ZFAND4: variants seen among roughly 807,000 people sequenced by gnomAD.
ZFAND4 encodes the protein zinc finger AN1-type containing 4.
ZFAND4 carries 43 observed loss-of-function variants against 64.4 expected under a neutral mutation model. The ratio of observed to expected loss-of-function variants is 0.67; its 90% confidence interval spans 0.52 to 0.86. The LOEUF is 0.86. Ranked by LOEUF, ZFAND4 falls within the 40% of genes least tolerant of loss-of-function variation. The probability of loss-of-function intolerance (pLI) is 0.00; values close to 1 mark genes in which losing one functional copy is unlikely to be tolerated. For missense variants in ZFAND4, 929 were observed against 859.8 expected (o/e 1.08, Z -1.01); for synonymous variants, 296 against 305.7 (o/e 0.97, Z 0.33).
chr10:45,645,414 A>G (rs2047312659), intron 5 of ZFAND4, among the ~76,000 whole-genome samples: 1 of 152,168 alleles, frequency 6.6e-6, no homozygotes, highest in African/African-American at 2.4e-5. Context: ...ATCCATCATC[A>G]GTTTGGTGGC....
At chr10:45,618,673 A>G (rs73292811) in intron 8 of ZFAND4, among the ~76,000 whole-genome samples, 14,716 of 152,244 alleles carry the variant, frequency 0.097, 1,302 homozygotes, top group African/African-American at 0.24. Context: ...AAGTACCAGA[A>G]TATCATGAAA....
chr10:45,664,932 A>C (rs1243002466), intron 1 of ZFAND4, among the ~76,000 whole-genome samples: 3 of 150,718 alleles, frequency 2.0e-5, no homozygotes, highest in African/African-American at 4.9e-5. Context: ...CTCTGGTCTC[A>C]AAAACAAAAA....
intron 1 of ZFAND4, 136 bp from the exon 2 acceptor site, chr10:45,663,978 T>A (rs2048640680): frequency 2.9e-6 from 1 of 348,168 alleles, no homozygotes; most frequent in Non-Finnish European, 5.2e-6. Flanking sequence ...TTATGTCTAA[T>A]CCTGAACTTT....
intron 9 of ZFAND4, among the ~76,000 whole-genome samples, chr10:45,617,589 C>A (rs1220465378): frequency 1.2e-5 from 1 of 84,498 alleles, no homozygotes; most frequent in Non-Finnish European, 2.1e-5. Context: ...GATTACAGTA[C>A]TGAAAAAAAA....
chr10:45,638,562 A>AAC (rs760753098), intron 6 of ZFAND4, among the ~76,000 whole-genome samples: 9,088 of 152,226 alleles, frequency 0.06, 392 homozygotes, highest in African/African-American at 0.12. Context: ...ACTAAAGTTA[A>AAC]ACGTGCATCT....
In ZFAND4 at chr10:45,660,141, G is replaced by A. The variant is rs549885017; in HGVS notation, c.184+3401C>T. ...CACACCACTGCACTTCAGCATGGGC[G>A]ACAGAGCGAGACGCATCTCAAAAAA... On this transcript the variant is annotated intron_variant, in intron 2 of 9. Coordinates refer to ENST00000344646, the MANE Select transcript of ZFAND4 (RefSeq NM_174890.4). 1.2e-3 allele frequency among the ~76,000 whole-genome samples: 166 copies of A among 138,902 alleles called. 1 individual carries two copies. Among genetic ancestry groups the A allele is most frequent in the African/African-American group, 4.1e-3 (151 of 37,194 alleles). The allele number at this position is 138,902 out of a possible 152,430, so 91.1% of individuals were successfully genotyped here.
Position 45,656,823 on chromosome 10 carries a change from A to G in ZFAND4, c.185-3764T>C, listed in dbSNP as rs1475584361. Among the ~76,000 whole-genome samples, 3 of 151,984 alleles carry G rather than the reference A, an allele frequency of 2.0e-5. No individual in the cohort carries two copies. The East Asian group carries it at 5.8e-4, about 29-fold the overall frequency. ...GATTAGTGTCCTTAGAAGAGAGATGATCTCCCTCTCTTTATCTACCGTGAG... is the reference window on the plus strand; with the variant it reads ...GATTAGTGTCCTTAGAAGAGAGATGGTCTCCCTCTCTTTATCTACCGTGAG... On this transcript the variant is annotated intron_variant, in intron 2 of 9. Coordinates refer to ENST00000344646, the MANE Select transcript of ZFAND4 (RefSeq NM_174890.4).
At chr10:45,671,518 C>A (rs1430398692) in intron 1 of ZFAND4, among the ~76,000 whole-genome samples, 1 of 152,122 alleles carries the variant, frequency 6.6e-6, no homozygotes, top group African/African-American at 2.4e-5. Flanking sequence ...AGGATGAGTT[C>A]ATGTCCTTTG....
At chr10:45,640,028 A>C (rs2046878562) in intron 5 of ZFAND4, 65 bp from the exon 6 acceptor site, 2 of 1,518,482 alleles carry the variant, frequency 1.3e-6, no homozygotes, top group South Asian at 2.6e-5. Context: ...AAAATGCTCT[A>C]TATGAAACAG....
chr10:45,644,341 A>G (rs145521900), intron 5 of ZFAND4, among the ~76,000 whole-genome samples: 34 of 152,372 alleles, frequency 2.2e-4, no homozygotes, highest in African/African-American at 8.2e-4. Flanking sequence ...GCTATGCTAA[A>G]GGAAAACAGC....
At chr10:45,635,702 G>C (rs1320481489) in intron 6 of ZFAND4, among the ~76,000 whole-genome samples, 1 of 152,106 alleles carries the variant, frequency 6.6e-6, no homozygotes, top group Non-Finnish European at 1.5e-5. Context: ...AAAAAGTGTG[G>C]TATATAGCCA....
At chr10:45,618,838 T>C (rs2045200065) in intron 8 of ZFAND4, among the ~76,000 whole-genome samples, 1 of 152,194 alleles carries the variant, frequency 6.6e-6, no homozygotes, top group African/African-American at 2.4e-5. Flanking sequence ...TCAATCCATA[T>C]ATGTAAAAAG....
chr10:45,657,224 C>T (rs1450115991), intron 2 of ZFAND4, among the ~76,000 whole-genome samples: 3 of 152,110 alleles, frequency 2.0e-5, no homozygotes, highest in African/African-American at 7.2e-5. Flanking sequence ...CAATGTTGCC[C>T]AGACTGGTCT....
At position 45,627,078 on chromosome 10, in the gene ZFAND4, G is replaced by T. The variant is rs1201602833; in HGVS notation, c.745C>A (p.His249Asn). 3 of 1,557,796 alleles carry T rather than the reference G, an allele frequency of 1.9e-6. No individual in the cohort carries two copies. The highest frequency in any genetic ancestry group is 1.2e-5 in the South Asian group (1 of 80,608). ...GAAGGTCGAGGAGCTACAGGTGGGT[G>T]AGGTTTTATCTTGACAGCTTTCTTA... Reference protein sequence around the residue: ...KPKKAVKIKPHPPVAPRPSSG... With the variant: ...KPKKAVKIKPNPPVAPRPSSG... The change falls in exon 7 of 10, where the codon CAC becomes AAC. Residue 249 changes from histidine to asparagine, a missense_variant. Transcript: ENST00000344646.
At chr10:45,625,850 A>C in intron 7 of ZFAND4, 101 bp downstream of exon 7, 1 of 1,096,488 alleles carries the variant, frequency 9.1e-7, no homozygotes, top group Non-Finnish European at 1.3e-6. Flanking sequence ...AAAATAATCT[A>C]ATCTTAGCCT....
intron 6 of ZFAND4, among the ~76,000 whole-genome samples, chr10:45,635,806 C>A (rs1214086415): frequency 6.6e-6 from 1 of 152,122 alleles, no homozygotes; most frequent in Non-Finnish European, 1.5e-5. Context: ...ATTGGTTGCA[C>A]AACACTGTGT....
chr10:45,619,275 AC>A (rs147441341), intron 8 of ZFAND4, among the ~76,000 whole-genome samples: 34,992 of 151,534 alleles, frequency 0.23, 4,479 homozygotes, highest in Admixed American at 0.3. Flanking sequence ...TGAACTCCTG[AC>A]CTCATGATCC....
intron 2 of ZFAND4, chr10:45,662,456 G>T: frequency 6.4e-6 from 2 of 312,074 alleles, no homozygotes; most frequent in Non-Finnish European, 9.3e-6. Flanking sequence ...GAGATAAAAA[G>T]TACAGAGATT....
In ZFAND4 at chr10:45,626,412, G is replaced by C; in HGVS notation, c.1411C>G (p.Leu471Val). The stretch of plus-strand genomic sequence containing the variant: ...GCAGAACAGCGAAGAGGTGACAAGA[G>C]TCTATTCTTGTGAGGACTTAATTCC... ...YRELSPHKNR[L>V]LSPLRCSAPM... is the part of the protein sequence containing the mutation. Residue 471 changes from leucine (L) to valine (V), a missense_variant, in exon 7 of 10, where the codon CTC becomes GTC. Physicochemically the swap from Leu to Val is conservative, Grantham distance 32. Coordinates refer to ENST00000344646, the MANE Select transcript of ZFAND4 (RefSeq NM_174890.4). The C allele has an allele frequency of 6.2e-7, 1 of 1,613,996 alleles. No individual in the cohort carries two copies. Among genetic ancestry groups the C allele is most frequent in the Non-Finnish European group, 8.5e-7 (1 of 1,180,006 alleles).
Sources: gnomAD v4.1 joint callset for allele counts (sites outside exome capture counted in the v4.1 genomes callset) on GRCh38, gnomAD v4.1.1 for gene constraint, MANE v1.5 for transcripts, NCBI Gene and HGNC (gene_info 2026-07-23, HGNC 2026-07-21) for gene names.